SAMMSON: variants seen among roughly 807,000 people sequenced by gnomAD.
SAMMSON encodes the protein survival associated mitochondrial melanoma specific oncogenic non-coding RNA.
chr3:70,291,796 A>G (rs1047417407), intron 7 of SAMMSON: 2 of 152,224 alleles, frequency 1.3e-5, no homozygotes, highest in African/African-American at 4.8e-5. Context: ...TAAATTTTGA[A>G]TAATACATTG....
intron 9 of SAMMSON, among the ~76,000 whole-genome samples, chr3:70,361,919 A>G (rs1005121163): frequency 2.9e-4 from 44 of 152,222 alleles, no homozygotes; most frequent in African/African-American, 1.0e-3. Context: ...AGGATACTAC[A>G]GGATTACCTA....
intron 2 of SAMMSON, among the ~76,000 whole-genome samples, chr3:70,423,183 A>G (rs1241933334): frequency 6.6e-6 from 1 of 152,126 alleles, no homozygotes. Flanking sequence ...AAAGAGCCAG[A>G]AAGGGAATAA....
At chr3:70,224,037 C>T (rs1001810698) in intron 4 of SAMMSON, among the ~76,000 whole-genome samples, 2 of 151,990 alleles carry the variant, frequency 1.3e-5, no homozygotes, top group African/African-American at 4.8e-5. Context: ...CCCCATATAT[C>T]TTGATCTCTA....
chr3:70,105,557 T>C (rs576593447), intron 4 of SAMMSON, among the ~76,000 whole-genome samples: 1 of 152,274 alleles, frequency 6.6e-6, no homozygotes, highest in East Asian at 1.9e-4. Flanking sequence ...CATAATGTAT[T>C]GTGCAGGCTG....
chr3:70,231,352 T>C (rs1379264067), intron 4 of SAMMSON, among the ~76,000 whole-genome samples: 1 of 152,204 alleles, frequency 6.6e-6, no homozygotes, highest in Non-Finnish European at 1.5e-5. Flanking sequence ...GCCATCTCTC[T>C]CTGGGATCAA....
At chr3:70,136,229 G>A (rs908680171) in intron 4 of SAMMSON, among the ~76,000 whole-genome samples, 2 of 152,092 alleles carry the variant, frequency 1.3e-5, no homozygotes, top group Non-Finnish European at 2.9e-5. Context: ...CCCCTCCCAC[G>A]CTGAATAGAA....
chr3:70,125,446 T>A (rs1366288445), intron 4 of SAMMSON: 3 of 890,772 alleles, frequency 3.4e-6, no homozygotes, highest in Admixed American at 2.1e-5. Context: ...CCAATTCCCT[T>A]CTAGAAATAC....
At chr3:70,311,104 TAG>T (rs1182701852) in intron 7 of SAMMSON, among the ~76,000 whole-genome samples, 1 of 152,230 alleles carries the variant, frequency 6.6e-6, no homozygotes, top group Non-Finnish European at 1.5e-5. Context: ...ACATATTTAT[TAG>T]AGTTTCCTAC....
At chr3:70,216,852 T>G (rs1184625499) in intron 4 of SAMMSON, among the ~76,000 whole-genome samples, 1 of 152,154 alleles carries the variant, frequency 6.6e-6, no homozygotes, top group Non-Finnish European at 1.5e-5. Context: ...CTGGGCTAGA[T>G]GCGCTAGCAT....
intron 6 of SAMMSON, among the ~76,000 whole-genome samples, chr3:70,256,789 T>C (rs1288806761): frequency 6.6e-6 from 1 of 152,224 alleles, no homozygotes; most frequent in African/African-American, 2.4e-5. Context: ...TTAAGAGTTC[T>C]CTAAACATAT....
intron 7 of SAMMSON, among the ~76,000 whole-genome samples, chr3:70,325,899 A>G (rs1341617863): frequency 6.6e-6 from 1 of 152,186 alleles, no homozygotes; most frequent in Non-Finnish European, 1.5e-5. Context: ...AACCCCTTCT[A>G]GATCTAGACA....
At chr3:70,160,865 A>G (rs1229821949) in intron 4 of SAMMSON, among the ~76,000 whole-genome samples, 2 of 152,088 alleles carry the variant, frequency 1.3e-5, no homozygotes, top group Admixed American at 6.6e-5. Context: ...CTTCTCAGCA[A>G]TGTTTTATAA....
exon 2 of SAMMSON, chr3:70,012,544 A>G (rs1361157829): frequency 6.6e-6 from 1 of 152,224 alleles, no homozygotes; most frequent in Non-Finnish European, 1.5e-5. Context: ...TAGAGCCTCC[A>G]GAAGGAACAC....
intron 3 of SAMMSON, among the ~76,000 whole-genome samples, chr3:70,041,635 C>A (rs1182590323): frequency 6.6e-6 from 1 of 151,546 alleles, no homozygotes; most frequent in African/African-American, 2.4e-5. Context: ...GAAAAAAATA[C>A]CAATAAAAAA....
At chr3:70,401,517 A>C (rs1007896023) in intron 2 of SAMMSON, among the ~76,000 whole-genome samples, 1 of 152,244 alleles carries the variant, frequency 6.6e-6, no homozygotes, top group Non-Finnish European at 1.5e-5. Context: ...TAATATGAAA[A>C]TGAAGTATAA....
intron 7 of SAMMSON, among the ~76,000 whole-genome samples, chr3:70,318,577 A>T (rs1371534964): frequency 6.6e-6 from 1 of 151,882 alleles, no homozygotes; most frequent in African/African-American, 2.4e-5. Flanking sequence ...TATTTATTAT[A>T]CCTAGTTTAA....
intron 6 of SAMMSON, among the ~76,000 whole-genome samples, chr3:70,264,459 A>C (rs558291963): frequency 6.6e-6 from 1 of 152,346 alleles, no homozygotes; most frequent in African/African-American, 2.4e-5. Context: ...AACAGATCAC[A>C]AGGATCAATG....
chr3:70,369,408 A>G (rs1307605894), intron 9 of SAMMSON, among the ~76,000 whole-genome samples: 1 of 151,750 alleles, frequency 6.6e-6, no homozygotes, highest in African/African-American at 2.4e-5. Context: ...AATTCTCTCA[A>G]AATGCTTGTT....
intron 9 of SAMMSON, among the ~76,000 whole-genome samples, chr3:70,385,807 TCTTAA>T (rs1277829721): frequency 6.6e-6 from 1 of 152,174 alleles, no homozygotes; most frequent in Non-Finnish European, 1.5e-5. Context: ...AGATATGTCA[TCTTAA>T]CTTTACTTAA....
Sources: gnomAD v4.1 joint callset for allele counts (sites outside exome capture counted in the v4.1 genomes callset) on GRCh38, gnomAD v4.1.1 for gene constraint, MANE v1.5 for transcripts, NCBI Gene and HGNC (gene_info 2026-07-23, HGNC 2026-07-21) for gene names.